ATAD3A: variants seen among roughly 807,000 people sequenced by gnomAD.
ATAD3A encodes the protein ATPase family AAA domain-containing protein 3A.
ATAD3A carries 46 observed loss-of-function variants against 73.8 expected under a neutral mutation model. That is an observed-to-expected ratio of 0.62 (90% confidence interval 0.49 to 0.80). The LOEUF (loss-of-function observed/expected upper bound fraction) is 0.80. Ranked by LOEUF, ATAD3A falls within the 30% of genes least tolerant of loss-of-function variation. The pLI, the probability that ATAD3A is intolerant of heterozygous loss-of-function variation, is 0.00. For missense variants in ATAD3A, 705 were observed against 838.0 expected (o/e 0.84, Z 1.96); for synonymous variants, 319 against 350.0 (o/e 0.91, Z 0.99).
At position 1,518,921 on chromosome 1, in the gene ATAD3A, C is replaced by T. The variant is rs1257977478; in HGVS notation, c.445C>T (p.Gln149Ter). The T allele has an allele frequency of 6.2e-7, 1 of 1,614,148 alleles. No individual in the cohort carries two copies. Among genetic ancestry groups the T allele is most frequent in the Non-Finnish European group, 8.5e-7 (1 of 1,179,982 alleles). ...CTCTTTTTCTGCGGCTTCTTCTCAG[C>T]AACTTCTCAATGAGGAGAATTTACG... ...QRYEDQLKQQQLLNEENLRKQ... is the reference protein window; with the variant it reads ...QRYEDQLKQQ The change falls in exon 5 of 16, where the codon CAA becomes TAA. Residue 149 changes from glutamine to a stop codon, truncating the protein, a stop_gained and splice_region_variant. Transcript: ENST00000378756. LOFTEE classifies it high-confidence loss of function.
In ATAD3A at chr1:1,525,195, T is replaced by C. The variant is rs374564620; in HGVS notation, c.1215-45T>C. The C allele has an allele frequency of 2.5e-6, 4 of 1,612,430 alleles. No homozygotes were observed. In the African/African-American group the frequency reaches 5.3e-5, roughly 22 times the overall value. On this transcript the variant is annotated intron_variant, in intron 11 of 15. Coordinates refer to ENST00000378756, the MANE Select transcript of ATAD3A (RefSeq NM_001170535.3). Reference sequence around the variant, plus strand: ...GCGGCCGGACGCTGCTGTGGGCTGCTCCTGGTGTCACTCTCGCCCTGCTTG... The same window carrying C: ...GCGGCCGGACGCTGCTGTGGGCTGCCCCTGGTGTCACTCTCGCCCTGCTTG...
intron 1 of ATAD3A, among the ~76,000 whole-genome samples, chr1:1,512,867 G>T (rs2100639239): frequency 6.6e-6 from 1 of 152,250 alleles, no homozygotes; most frequent in South Asian, 2.1e-4. Context: ...GTTGCTAGCA[G>T]TTTCCACGTA....
Position 1,512,230 on chromosome 1 carries a change from G to A in ATAD3A, c.-39G>A, listed in dbSNP as rs578231625. ...AGCCGCGCGCGAGTCAGACTCGGGT[G>A]GGGGTCCCGGCGGCGGTAGCGGCGG... On this transcript the variant is annotated 5_prime_UTR_variant, in exon 1 of 16. Transcript: ENST00000378756. 51 of 1,270,526 alleles carry A rather than the reference G, an allele frequency of 4.0e-5. No individual in the cohort carries two copies. Among genetic ancestry groups the A allele is most frequent in the Non-Finnish European group, 4.8e-5 (48 of 1,004,280 alleles). 78.7% of individuals were successfully genotyped at this position (1,270,526 alleles called of 1,614,324 possible).
intron 2 of ATAD3A, among the ~76,000 whole-genome samples, chr1:1,516,390 A>C (rs1171458724): frequency 6.9e-6 from 1 of 145,592 alleles, no homozygotes; most frequent in Non-Finnish European, 1.5e-5. Context: ...ATTTCATTAC[A>C]CTCAGCAGGA....
chr1:1,523,006 T>A lies in ATAD3A; in HGVS notation c.906+107T>A. The stretch of plus-strand genomic sequence containing the variant: ...CTCCCGTCCCTTCCCTTTCCCCGGA[T>A]AACGGGCACCCGCACACTGCTTCAC... On this transcript the variant is annotated intron_variant, in intron 8 of 15. Coordinates refer to ENST00000378756, the MANE Select transcript of ATAD3A (RefSeq NM_001170535.3). The surrounding 1 kb of genome is among the most constrained non-coding windows in gnomAD (Gnocchi z 5.1). 1 of 1,511,028 alleles carries A rather than the reference T, an allele frequency of 6.6e-7. No homozygotes were observed. The highest frequency in any genetic ancestry group is 1.3e-5 in the South Asian group (1 of 78,172). 93.6% of individuals were successfully genotyped at this position (1,511,028 alleles called of 1,614,324 possible). A position where few individuals can be genotyped will look rare whatever the true frequency, so the allele number is the denominator to read the frequency against.
intron 1 of ATAD3A, among the ~76,000 whole-genome samples, chr1:1,513,829 C>T (rs976921092): frequency 6.6e-6 from 1 of 152,134 alleles, no homozygotes; most frequent in Non-Finnish European, 1.5e-5. Context: ...GGCCGGAGCC[C>T]ATTGCTTTGT....
At chr1:1,530,843 AAAAAAAAAAAAACT>A (rs1557480051) in intron 15 of ATAD3A, among the ~76,000 whole-genome samples, 2 of 99,298 alleles carry the variant, frequency 2.0e-5, no homozygotes, top group African/African-American at 2.9e-4. Flanking sequence ...AAAAAAAAAA[AAAAAAAAAAAAACT>A]AAGAATAATT....
Position 1,525,253 on chromosome 1 carries a change from G to T in ATAD3A, c.1228G>T (p.Val410Leu). 2 of 1,613,956 alleles carry T rather than the reference G, an allele frequency of 1.2e-6. No individual in the cohort carries two copies. The highest frequency in any genetic ancestry group is 1.1e-5 in the South Asian group (1 of 91,074). ...TCTCGTTCACAGCCTCCTGCTCTTT[G>T]TGGATGAAGCGGACGCCTTCCTTCG... The part of the protein sequence containing the change: ...NTSRRGLLLF[V>L]DEADAFLRKR... The change falls in exon 12 of 16, where the codon GTG becomes TTG. Residue 410 changes from valine to leucine, a missense_variant. By Grantham distance (32) the Val-to-Leu change is conservative (BLOSUM62 1). This residue lies in a region of ATAD3A where 252 missense variants were observed against 278.5 expected (regional missense o/e 0.90). Coordinates refer to ENST00000378756, the MANE Select transcript of ATAD3A (RefSeq NM_001170535.3).
Position 1,523,768 on chromosome 1 carries a change from C to T in ATAD3A, c.964-71C>T, listed in dbSNP as rs1641694977. On this transcript the variant is annotated intron_variant, in intron 9 of 15. Transcript: ENST00000378756. This position sits in a 1 kb window ranked among gnomAD's most constrained non-coding sequence, Gnocchi z 5.1. ...GGAGCCGAGTCTGCACCCAGGCATT[C>T]CCGCAGCCCCTTCCCCTGAGGCTTC... 1.9e-6 allele frequency: 3 copies of T among 1,606,670 alleles called. No homozygotes were observed. The highest frequency in any genetic ancestry group is 2.6e-6 in the Non-Finnish European group (3 of 1,176,010).
In ATAD3A at chr1:1,521,473, C is replaced by T. The variant is rs78759466; in HGVS notation, c.750+856C>T. On this transcript the variant is annotated intron_variant, in intron 7 of 15. Coordinates refer to ENST00000378756, the MANE Select transcript of ATAD3A (RefSeq NM_001170535.3). ...TCCGGCCTGCTGTGGTGGCGCCCCACGTCCCACATGGCTGTGTCCTCCGTC... is the reference window on the plus strand; with the variant it reads ...TCCGGCCTGCTGTGGTGGCGCCCCATGTCCCACATGGCTGTGTCCTCCGTC... 2.7e-4 allele frequency among the ~76,000 whole-genome samples: 41 copies of T among 152,322 alleles called. No individual in the cohort carries two copies. In the East Asian group the frequency reaches 7.1e-3, roughly 27 times the overall value.
chr1:1,515,801 G>C (rs1174701564), intron 1 of ATAD3A, among the ~76,000 whole-genome samples: 10 of 152,228 alleles, frequency 6.6e-5, no homozygotes, highest in Non-Finnish European at 1.0e-4. Context: ...TCCCTGGGGG[G>C]ATAAAACCTC....
intron 5 of ATAD3A, among the ~76,000 whole-genome samples, chr1:1,519,601 G>A (rs1490705893): frequency 1.1e-5 from 1 of 93,038 alleles, no homozygotes; most frequent in Non-Finnish European, 2.1e-5. Flanking sequence ...ATTTGTTGGC[G>A]AGTGCTCCAG....
chr1:1,520,193 G>A lies in ATAD3A; in HGVS notation c.567G>A (p.Val189=), dbSNP rs1456326062. 7 of 1,611,902 alleles carry A rather than the reference G, an allele frequency of 4.3e-6. No homozygotes were observed. The East Asian group carries it at 1.1e-4, about 26-fold the overall frequency. Residue 189 remains valine (V), a synonymous_variant, in exon 6 of 16, where the codon GTG becomes GTA. Coordinates refer to ENST00000378756, the MANE Select transcript of ATAD3A (RefSeq NM_001170535.3). This position sits in a 1 kb window ranked among gnomAD's most constrained non-coding sequence, Gnocchi z 4.0. ...GGCACAAGAATGAGATGCTGCGAGT[G>A]GAGGCCGAGGCCCGGGCGCGCGCCA... is the stretch of plus-strand genomic sequence containing the variant. ...ELRHKNEMLR[V]EAEARARAKA... is the part of the protein sequence containing the mutation.
In ATAD3A at chr1:1,520,509, T is replaced by A; in HGVS notation, c.681-39T>A. On this transcript the variant is annotated intron_variant, in intron 6 of 15. Coordinates refer to ENST00000378756, the MANE Select transcript of ATAD3A (RefSeq NM_001170535.3). This position sits in a 1 kb window ranked among gnomAD's most constrained non-coding sequence, Gnocchi z 4.0. ...CTGCTCTCGCTGCGTGGCACGGATCTTCGTGTCCTTCCTGGTCACACCACT... is the reference window on the plus strand; with the variant it reads ...CTGCTCTCGCTGCGTGGCACGGATCATCGTGTCCTTCCTGGTCACACCACT... The A allele has an allele frequency of 6.2e-7, 1 of 1,614,116 alleles. No individual in the cohort carries two copies. Among genetic ancestry groups the A allele is most frequent in the Non-Finnish European group, 8.5e-7 (1 of 1,179,942 alleles).
intron 2 of ATAD3A, chr1:1,517,004 A>G (rs1641380202): frequency 7.4e-7 from 1 of 1,347,214 alleles, no homozygotes. Context: ...GAGCCGTCGC[A>G]CCCGGTCCAC....
rs1388463433 is a variant in ATAD3A, at chr1:1,523,486, G to A, written c.907-25G>A. The A allele has an allele frequency of 6.2e-7, 1 of 1,608,162 alleles. No individual in the cohort carries two copies. The highest frequency in any genetic ancestry group is 8.5e-7 in the Non-Finnish European group (1 of 1,177,870). On this transcript the variant is annotated intron_variant, in intron 8 of 15. Transcript: ENST00000378756. This position sits in a 1 kb window ranked among gnomAD's most constrained non-coding sequence, Gnocchi z 5.1. The stretch of plus-strand genomic sequence containing the variant: ...CCGTGGCTGTGGCAGGTGACCCGAT[G>A]GCGCTTCCCCTTCCCCTCCGGCAGG...
intron 15 of ATAD3A, among the ~76,000 whole-genome samples, chr1:1,532,922 A>G (rs1045488176): frequency 4.6e-5 from 7 of 151,818 alleles, no homozygotes; most frequent in African/African-American, 1.7e-4. Flanking sequence ...GGCTCCGGTC[A>G]GTGTCTCCTG....
chr1:1,521,826 A>G (rs865940285), intron 7 of ATAD3A, among the ~76,000 whole-genome samples: 4 of 152,126 alleles, frequency 2.6e-5, no homozygotes, highest in African/African-American at 7.2e-5. Context: ...CAGCCTCCCA[A>G]GTGACTGGGA....
chr1:1,513,785 G>T (rs1025126249), intron 1 of ATAD3A, among the ~76,000 whole-genome samples: 4 of 151,840 alleles, frequency 2.6e-5, no homozygotes, highest in African/African-American at 9.7e-5. Context: ...GGCTTCCTCC[G>T]TGCCCCTTTC....
Sources: allele counts gnomAD v4.1 joint callset (sites outside exome capture counted in the v4.1 genomes callset), GRCh38; gene constraint gnomAD v4.1.1; regional missense constraint gnomAD v4.1.1; non-coding constraint Gnocchi (gnomAD v3.1); transcripts MANE v1.5; gene names NCBI Gene and HGNC (gene_info 2026-07-23, HGNC 2026-07-21).